Variants in LHPP observed in about 807,000 individuals in gnomAD.
LHPP encodes hLHPP.
A neutral mutation model predicts 30.3 loss-of-function variants in LHPP; 24 were observed. The ratio of observed to expected loss-of-function variants is 0.79; its 90% CI spans 0.57 to 1.11. The LOEUF is 1.11. LHPP is among the 50% of genes most tolerant of loss of function. LHPP has a pLI of 0.00. For synonymous variants in LHPP, 150 were observed against 157.1 expected (o/e 0.95, Z 0.34); for missense variants, 356 against 367.2 (o/e 0.97, Z 0.25).
chr10:124,480,831 A>G (rs1296136899), intron 1 of LHPP, among the ~76,000 whole-genome samples: 2 of 152,160 alleles, frequency 1.3e-5, no homozygotes, highest in Non-Finnish European at 2.9e-5. Flanking sequence ...TGCATTCACT[A>G]TGTGGTCAGC....
Position 124,488,506 on chromosome 10 carries a change from A to C in LHPP, c.398A>C (p.Gln133Pro), listed in dbSNP as rs1361918557. 2 of 1,614,070 alleles carry C rather than the reference A, an allele frequency of 1.2e-6. No homozygotes were observed. The highest frequency in any genetic ancestry group is 4.5e-5 in the East Asian group (2 of 44,864). The part of the protein sequence containing the change: ...IADAGESFSY[Q>P]NMNNAFQVLM... ...GACGCAGGAGAAAGCTTTTCTTATCAAAACATGAATAACGCCTTCCAGGTG... is the reference window on the plus strand; with the variant it reads ...GACGCAGGAGAAAGCTTTTCTTATCCAAACATGAATAACGCCTTCCAGGTG... Residue 133 changes from glutamine to proline, a missense_variant, in exon 3 of 7, where the codon CAA becomes CCA. By Grantham distance (76) the Gln-to-Pro change is moderately conservative. Transcript: ENST00000368842.
chr10:124,609,736 A>C (rs75797245), intron 6 of LHPP, among the ~76,000 whole-genome samples: 2,956 of 152,148 alleles, frequency 0.019, 98 homozygotes, highest in African/African-American at 0.066. Context: ...AGCTCTCTGT[A>C]AGTCAGTCCT....
At chr10:124,468,950 G>A (rs990319583) in intron 1 of LHPP, among the ~76,000 whole-genome samples, 1 of 152,196 alleles carries the variant, frequency 6.6e-6, no homozygotes, top group African/African-American at 2.4e-5. Flanking sequence ...TTTTCCCTGG[G>A]GATTTTCCAG....
intron 1 of LHPP, among the ~76,000 whole-genome samples, chr10:124,472,479 T>C (rs1952812640): frequency 6.6e-6 from 1 of 152,200 alleles, no homozygotes; most frequent in Non-Finnish European, 1.5e-5. Flanking sequence ...CTTCGCTCTG[T>C]TTGGTGCTGA....
chr10:124,602,616 G>A (rs561643890), intron 6 of LHPP, among the ~76,000 whole-genome samples: 141 of 152,304 alleles, frequency 9.3e-4, no homozygotes, highest in African/African-American at 3.2e-3. Context: ...CTCCTTCTGC[G>A]AGGAGAGACT....
intron 3 of LHPP, among the ~76,000 whole-genome samples, chr10:124,494,927 A>G (rs61106787): frequency 0.025 from 3,729 of 152,202 alleles, 149 homozygotes; most frequent in African/African-American, 0.085. Flanking sequence ...AAGGGGGACC[A>G]AGGTAACCTG....
chr10:124,526,206 C>T, intron 6 of LHPP: 1 of 985,408 alleles, frequency 1.0e-6, no homozygotes, highest in Non-Finnish European at 1.2e-6. Flanking sequence ...CACACGTGCT[C>T]TTCTCCCAAG....
At chr10:124,526,317 TC>T (rs1392364264) in intron 6 of LHPP, 2 of 819,558 alleles carry the variant, frequency 2.4e-6, no homozygotes, top group Non-Finnish European at 2.9e-6. Flanking sequence ...CAGCCTCAGC[TC>T]GTCTACACCC....
intron 1 of LHPP, among the ~76,000 whole-genome samples, chr10:124,465,693 C>T (rs1952534270): frequency 6.6e-6 from 1 of 152,178 alleles, no homozygotes; most frequent in Non-Finnish European, 1.5e-5. Context: ...TCCTGAGCAG[C>T]TGGGACTACA....
At chr10:124,506,273 CA>C (rs1289592859) in intron 5 of LHPP, among the ~76,000 whole-genome samples, 1,521 of 125,042 alleles carry the variant, frequency 0.012, 45 homozygotes, top group African/African-American at 0.045. Context: ...ACCCCCCCCC[CA>C]CCCCGCGGTT....
At chr10:124,536,078 C>T (rs17621599) in intron 6 of LHPP, among the ~76,000 whole-genome samples, 6,376 of 152,366 alleles carry the variant, frequency 0.042, 206 homozygotes, top group Non-Finnish European at 0.07. Flanking sequence ...GTTACAGACG[C>T]GGAAGCCGGG....
intron 6 of LHPP, among the ~76,000 whole-genome samples, chr10:124,520,176 A>G (rs1954574996): frequency 6.6e-6 from 1 of 152,052 alleles, no homozygotes; most frequent in African/African-American, 2.4e-5. Flanking sequence ...GTACATGTGC[A>G]GGTTCATTAC....
chr10:124,493,842 C>T (rs938067679), intron 3 of LHPP: 8 of 152,008 alleles, frequency 5.3e-5, no homozygotes, highest in Admixed American at 2.6e-4. Context: ...TGGAGATTAC[C>T]GGGCCTTTAT....
At position 124,498,055 on chromosome 10, in the gene LHPP, C is replaced by T. The variant is rs1953780311; in HGVS notation, c.551C>T (p.Ala184Val). ...KALEYACGIK[A>V]EVVGKPSPEF... is the part of the protein sequence containing the mutation. ...TCCCAGTATGCCTGTGGCATCAAAG[C>T]CGAGGTGGTGGGGAAGCCTTCTCCT... The change falls in exon 5 of 7, where the codon GCC (alanine) becomes GTC (valine). Residue 184 changes from alanine (A) to valine (V), a missense_variant. Physicochemically the swap from Ala to Val is moderately conservative, Grantham distance 64. Coordinates refer to ENST00000368842, the MANE Select transcript of LHPP (RefSeq NM_022126.4). The T allele has an allele frequency of 1.2e-6, 2 of 1,614,138 alleles. No individual in the cohort carries two copies. The highest frequency in any genetic ancestry group is 2.2e-5 in the East Asian group (1 of 44,896).
intron 1 of LHPP, 135 bp downstream of exon 1, chr10:124,462,122 C>A (rs1294514272): frequency 3.6e-5 from 30 of 835,042 alleles, no homozygotes; most frequent in Admixed American, 4.9e-5. Context: ...CTTCCCACCC[C>A]GGTGCGCGCA....
In LHPP at chr10:124,484,206, G is replaced by A. The variant is rs930122492; in HGVS notation, c.193G>A (p.Val65Met). Residue 65 changes from valine (V) to methionine (M), a missense_variant, in exon 2 of 7, where the codon GTG becomes ATG. Coordinates refer to ENST00000368842, the MANE Select transcript of LHPP (RefSeq NM_022126.4). ...NESQKSRAEL[V>M]GQLQRLGFDI... ...GTCGCAGAAGTCCCGGGCAGAGCTG[G>A]TGGGGCAGCTTCAGAGGCTGGGATT... 2.5e-6 allele frequency: 4 copies of A among 1,614,126 alleles called. No individual in the cohort carries two copies. Among genetic ancestry groups the A allele is most frequent in the African/African-American group, 1.3e-5 (1 of 75,044 alleles).
At chr10:124,540,078 G>C (rs1228665611) in intron 6 of LHPP, among the ~76,000 whole-genome samples, 1 of 152,142 alleles carries the variant, frequency 6.6e-6, no homozygotes, top group Non-Finnish European at 1.5e-5. Context: ...AGGGAAACTT[G>C]GGTCCCCAGA....
At chr10:124,595,528 G>C (rs1948931775) in intron 6 of LHPP, among the ~76,000 whole-genome samples, 1 of 152,218 alleles carries the variant, frequency 6.6e-6, no homozygotes, top group Non-Finnish European at 1.5e-5. Context: ...CTCCTAAACA[G>C]TTATCTGCTT....
chr10:124,582,455 G>A (rs73373286), intron 6 of LHPP, among the ~76,000 whole-genome samples: 7,221 of 152,088 alleles, frequency 0.047, 522 homozygotes, highest in African/African-American at 0.16. Context: ...TATATATTCT[G>A]GATATAAGGC....
Sources: allele counts gnomAD v4.1 joint callset (sites outside exome capture counted in the v4.1 genomes callset), GRCh38; gene constraint gnomAD v4.1.1; transcripts MANE v1.5; gene names NCBI Gene and HGNC (gene_info 2026-07-23, HGNC 2026-07-21).